Variants in PTPRK observed in about 807,000 individuals in gnomAD.
PTPRK encodes receptor-type tyrosine-protein phosphatase kappa.
PTPRK carries 75 observed loss-of-function variants against 178.0 expected under a neutral mutation model. That is an observed-to-expected ratio of 0.42 (90% CI 0.35 to 0.51). PTPRK has a LOEUF of 0.51. Ranked by LOEUF, PTPRK falls within the 20% of genes least tolerant of loss-of-function variation. The pLI is 0.02. For missense variants in PTPRK, 1,441 were observed against 1,797.8 expected, an observed-to-expected ratio of 0.80 and a Z score of 3.59; for synonymous variants, 637 against 620.6, an observed-to-expected ratio of 1.03 and a Z score of -0.39.
intron 11 of PTPRK, among the ~76,000 whole-genome samples, chr6:128,078,148 G>A (rs566960402): frequency 1.4e-4 from 22 of 152,004 alleles, no homozygotes; most frequent in Non-Finnish European, 2.8e-4. Flanking sequence ...AAATGAAATG[G>A]GACTAGAGGG....
chr6:128,304,969 T>A (rs187956630), intron 3 of PTPRK, among the ~76,000 whole-genome samples: 361 of 152,312 alleles, frequency 2.4e-3, no homozygotes, highest in Non-Finnish European at 3.6e-3. Flanking sequence ...CAAATGGCAG[T>A]TCTCTGGCAT....
chr6:128,342,382 G>A (rs1426516255), intron 2 of PTPRK, among the ~76,000 whole-genome samples: 4 of 152,100 alleles, frequency 2.6e-5, no homozygotes, highest in Non-Finnish European at 5.9e-5. Flanking sequence ...TTGTTACAAA[G>A]ACCAAGGTTT....
chr6:128,288,645 C>T (rs1319847238), intron 3 of PTPRK, among the ~76,000 whole-genome samples: 3 of 152,034 alleles, frequency 2.0e-5, no homozygotes, highest in Non-Finnish European at 1.5e-5. Flanking sequence ...TAAGATACCC[C>T]TCAAATAAAA....
At chr6:128,374,973 G>T (rs575312197) in intron 2 of PTPRK, among the ~76,000 whole-genome samples, 1 of 151,674 alleles carries the variant, frequency 6.6e-6, no homozygotes, top group Non-Finnish European at 1.5e-5. Flanking sequence ...CCTATGCCTG[G>T]AATGCTTTTC....
chr6:128,260,673 T>C (rs185253186), intron 3 of PTPRK, among the ~76,000 whole-genome samples: 1 of 152,234 alleles, frequency 6.6e-6, no homozygotes, highest in East Asian at 1.9e-4. Context: ...ATATAACCAC[T>C]ACCACAACAA....
At chr6:128,098,632 T>C (rs757031854) in intron 7 of PTPRK, among the ~76,000 whole-genome samples, 1 of 152,170 alleles carries the variant, frequency 6.6e-6, no homozygotes, top group Non-Finnish European at 1.5e-5. Context: ...TAGTTGTTAC[T>C]CAGCATTTTG....
intron 2 of PTPRK, among the ~76,000 whole-genome samples, chr6:128,389,048 C>T (rs898055058): frequency 2.6e-5 from 4 of 152,060 alleles, no homozygotes; most frequent in South Asian, 2.1e-4. Flanking sequence ...AGCAAGCCAG[C>T]GTCTTTTTAA....
intron 6 of PTPRK, among the ~76,000 whole-genome samples, chr6:128,208,645 A>C (rs1315603897): frequency 6.6e-6 from 1 of 152,170 alleles, no homozygotes; most frequent in Admixed American, 6.5e-5. Context: ...ATTTAGTTAA[A>C]AAACTGTGCT....
chr6:128,209,431 C>A (rs9398866), intron 6 of PTPRK, among the ~76,000 whole-genome samples: 12,809 of 151,986 alleles, frequency 0.084, 1,109 homozygotes, highest in East Asian at 0.34. Flanking sequence ...ACCCAGAATG[C>A]CCTTTACTTA....
intron 13 of PTPRK, among the ~76,000 whole-genome samples, chr6:128,060,159 C>T (rs749885630): frequency 1.3e-5 from 2 of 152,020 alleles, no homozygotes; most frequent in Admixed American, 6.5e-5. Context: ...GGTGAACTGT[C>T]GCCAACTTTA....
intron 11 of PTPRK, among the ~76,000 whole-genome samples, chr6:128,075,810 A>G (rs897691025): frequency 3.9e-5 from 6 of 152,052 alleles, no homozygotes; most frequent in Non-Finnish European, 7.4e-5. Context: ...TTTGTTTGAT[A>G]TTAGGAAGAC....
At chr6:128,411,300 A>G (rs1842286120) in intron 1 of PTPRK, among the ~76,000 whole-genome samples, 1 of 152,236 alleles carries the variant, frequency 6.6e-6, no homozygotes, top group Non-Finnish European at 1.5e-5. Flanking sequence ...TCAGGGTGCC[A>G]GCCATATTGT....
At chr6:128,174,078 A>C (rs753952781) in intron 7 of PTPRK, among the ~76,000 whole-genome samples, 4 of 151,966 alleles carry the variant, frequency 2.6e-5, no homozygotes, top group Non-Finnish European at 5.9e-5. Flanking sequence ...TGGACATATG[A>C]GTGTTCACTG....
At chr6:128,126,305 C>T (rs1793368793) in intron 7 of PTPRK, among the ~76,000 whole-genome samples, 1 of 152,080 alleles carries the variant, frequency 6.6e-6, no homozygotes, top group African/African-American at 2.4e-5. Flanking sequence ...GTGAGACAAG[C>T]AACAGCTCAT....
intron 3 of PTPRK, among the ~76,000 whole-genome samples, chr6:128,247,974 A>G (rs1815785055): frequency 6.6e-6 from 1 of 152,192 alleles, no homozygotes; most frequent in African/African-American, 2.4e-5. Context: ...AAATTTTGCT[A>G]ACGTTCAGAA....
At chr6:128,210,378 A>AC (rs1254219604) in intron 6 of PTPRK, among the ~76,000 whole-genome samples, 1 of 150,404 alleles carries the variant, frequency 6.6e-6, no homozygotes, top group Non-Finnish European at 1.5e-5. Context: ...GAAAAAAAAA[A>AC]AACAGTAAAA....
intron 29 of PTPRK, among the ~76,000 whole-genome samples, chr6:127,971,146 T>C (rs545209657): frequency 1.2e-4 from 19 of 152,302 alleles, no homozygotes; most frequent in Admixed American, 3.9e-4. Flanking sequence ...AGACAACATA[T>C]TGGCAATAAA....
chr6:128,392,965 T>A (rs961186815), intron 2 of PTPRK, among the ~76,000 whole-genome samples: 11 of 152,150 alleles, frequency 7.2e-5, no homozygotes, highest in Admixed American at 5.2e-4. Context: ...AGGAAAAACA[T>A]CTTGTTTAAT....
chr6:127,989,405 A>G (rs941348762), intron 21 of PTPRK, among the ~76,000 whole-genome samples: 2 of 151,942 alleles, frequency 1.3e-5, no homozygotes, highest in Non-Finnish European at 2.9e-5. Context: ...TATTTTGCCT[A>G]ATTTTTTCAT....
Sources: allele counts gnomAD v4.1 joint callset (sites outside exome capture counted in the v4.1 genomes callset), GRCh38; gene constraint gnomAD v4.1.1; transcripts MANE v1.5; gene names NCBI Gene and HGNC (gene_info 2026-07-23, HGNC 2026-07-21).